TIAM1: variants seen among roughly 807,000 people sequenced by gnomAD.
The protein encoded by TIAM1 is rho guanine nucleotide exchange factor TIAM1.
A neutral mutation model predicts 163.5 loss-of-function variants in TIAM1; 65 were observed. The ratio of observed to expected loss-of-function variants is 0.40; its 90% CI spans 0.33 to 0.49. The LOEUF is 0.49. Among genes scored for constraint, TIAM1 ranks in the 20% least tolerant of loss-of-function variants. The probability of loss-of-function intolerance (pLI) is 0.77; values close to 1 mark genes in which losing one functional copy is unlikely to be tolerated. For missense variants in TIAM1, 1,789 were observed against 2,044.7 expected (o/e 0.87, Z 2.41); for synonymous variants, 833 against 810.1 (o/e 1.03, Z -0.48).
At chr21:31,360,956 G>C (rs2076396741) in intron 2 of TIAM1, among the ~76,000 whole-genome samples, 1 of 152,168 alleles carries the variant, frequency 6.6e-6, no homozygotes, top group Admixed American at 6.6e-5. Flanking sequence ...CTACTAGGGA[G>C]AGTGTAATTG....
At chr21:31,455,036 T>C (rs2045035478) in intron 2 of TIAM1, among the ~76,000 whole-genome samples, 1 of 152,008 alleles carries the variant, frequency 6.6e-6, no homozygotes, top group Non-Finnish European at 1.5e-5. Flanking sequence ...ATCCTAGCAC[T>C]TTGGGAGGCT....
At chr21:31,448,183 C>G (rs2044698944) in intron 2 of TIAM1, among the ~76,000 whole-genome samples, 1 of 152,156 alleles carries the variant, frequency 6.6e-6, no homozygotes, top group African/African-American at 2.4e-5. Context: ...CCCAGTCAAG[C>G]TGACACACAA....
At chr21:31,466,344 G>A (rs769595075) in intron 1 of TIAM1, among the ~76,000 whole-genome samples, 3 of 152,186 alleles carry the variant, frequency 2.0e-5, no homozygotes, top group Non-Finnish European at 4.4e-5. Context: ...CTGAAGGCAG[G>A]TTGACTTAGA....
chr21:31,469,556 C>T (rs1490291279), intron 1 of TIAM1, among the ~76,000 whole-genome samples: 5 of 151,944 alleles, frequency 3.3e-5, no homozygotes, highest in South Asian at 2.1e-4. Flanking sequence ...TGGCCAGGCA[C>T]GGTGGCTCAC....
At chr21:31,538,130 G>C (rs2048198666) in intron 1 of TIAM1, among the ~76,000 whole-genome samples, 1 of 152,218 alleles carries the variant, frequency 6.6e-6, no homozygotes, top group African/African-American at 2.4e-5. Flanking sequence ...TCTGTTTCTA[G>C]ATCTATGTGC....
At chr21:31,391,268 G>A (rs1371427874) in intron 2 of TIAM1, among the ~76,000 whole-genome samples, 1 of 152,044 alleles carries the variant, frequency 6.6e-6, no homozygotes, top group Non-Finnish European at 1.5e-5. Flanking sequence ...CCTACCTTAC[G>A]TTCCCACATG....
chr21:31,364,102 T>C (rs1180081925), intron 2 of TIAM1, among the ~76,000 whole-genome samples: 1 of 152,198 alleles, frequency 6.6e-6, no homozygotes, highest in African/African-American at 2.4e-5. Flanking sequence ...AAGTCTGTGA[T>C]TTCAGCATTT....
rs540761210 is a variant in TIAM1 at position 31,328,534 on chromosome 21, CTTA to C, written c.-189+10706_-189+10708del. On this transcript the variant is annotated intron_variant, in intron 2 of 27. Transcript: ENST00000541036. ...CACAGGCACACGGCACCACGACTGG[CTTA>C]TTATTATTTTTTTTTTTTATTTTGC... 2.4e-4 allele frequency among the ~76,000 whole-genome samples: 37 copies of C among 151,670 alleles called. No homozygotes were observed. In the South Asian group the frequency reaches 7.3e-3, roughly 30 times the overall value.
chr21:31,334,677 G>A (rs1035805072), intron 2 of TIAM1, among the ~76,000 whole-genome samples: 3 of 152,080 alleles, frequency 2.0e-5, no homozygotes, highest in African/African-American at 7.2e-5. Flanking sequence ...GCCCCCACAT[G>A]GTTCATTCCC....
intron 6 of TIAM1, among the ~76,000 whole-genome samples, chr21:31,242,127 C>T (rs534217410): frequency 1.8e-4 from 27 of 152,188 alleles, no homozygotes; most frequent in Admixed American, 2.6e-4. Context: ...CTATTTTGAA[C>T]GTATTCAAAG....
At chr21:31,420,476 T>C (rs1418902990) in intron 2 of TIAM1, among the ~76,000 whole-genome samples, 1 of 152,192 alleles carries the variant, frequency 6.6e-6, no homozygotes, top group East Asian at 1.9e-4. Flanking sequence ...TTTTCCAGTA[T>C]CCCAGACCCT....
At chr21:31,147,699 AAT>A (rs1029464339) in intron 19 of TIAM1, among the ~76,000 whole-genome samples, 8 of 144,830 alleles carry the variant, frequency 5.5e-5, no homozygotes, top group Non-Finnish European at 1.2e-4. Context: ...TATTCTATAA[AAT>A]ATATATTTTA....
chr21:31,155,889 T>G (rs1037733313), intron 16 of TIAM1, among the ~76,000 whole-genome samples: 2 of 152,190 alleles, frequency 1.3e-5, no homozygotes, highest in Admixed American at 1.3e-4. Flanking sequence ...ACAAAGCATT[T>G]CCAGTAAATA....
intron 2 of TIAM1, among the ~76,000 whole-genome samples, chr21:31,323,755 C>G (rs938635697): frequency 6.6e-6 from 1 of 152,044 alleles, no homozygotes; most frequent in Admixed American, 6.5e-5. Context: ...CGCTAGAGCC[C>G]GGGAGGCAGA....
At chr21:31,493,063 T>A (rs1251340076) in intron 1 of TIAM1, among the ~76,000 whole-genome samples, 3 of 152,180 alleles carry the variant, frequency 2.0e-5, no homozygotes, top group Non-Finnish European at 4.4e-5. Context: ...GAACTGTCTG[T>A]TCATCAAAAC....
chr21:31,359,670 T>C (rs576648242), intron 2 of TIAM1, among the ~76,000 whole-genome samples: 1 of 151,972 alleles, frequency 6.6e-6, no homozygotes, highest in South Asian at 2.1e-4. Context: ...GTGCCTGTAA[T>C]CCTAGCTATT....
At chr21:31,384,417 A>G (rs1407008380) in intron 2 of TIAM1, among the ~76,000 whole-genome samples, 1 of 151,538 alleles carries the variant, frequency 6.6e-6, no homozygotes, top group East Asian at 1.9e-4. Flanking sequence ...AAAAAAAAAA[A>G]AAAATTTAAT....
chr21:31,471,365 G>C (rs2045735387), intron 1 of TIAM1, among the ~76,000 whole-genome samples: 1 of 152,192 alleles, frequency 6.6e-6, no homozygotes, highest in African/African-American at 2.4e-5. Flanking sequence ...CATTCAGAAT[G>C]AACCTCATAG....
chr21:31,317,069 G>A (rs991566705), intron 2 of TIAM1, among the ~76,000 whole-genome samples: 25 of 152,166 alleles, frequency 1.6e-4, no homozygotes, highest in Non-Finnish European at 5.9e-5. Flanking sequence ...TGTCTCAGTT[G>A]GTCCAGAAAT....
Sources: gnomAD v4.1 joint callset for allele counts (sites outside exome capture counted in the v4.1 genomes callset) on GRCh38, gnomAD v4.1.1 for gene constraint, MANE v1.5 for transcripts, NCBI Gene and HGNC (gene_info 2026-07-23, HGNC 2026-07-21) for gene names.